MICU1: variants seen among roughly 807,000 people sequenced by gnomAD.
MICU1 encodes mitochondrial calcium uptake 1.
In MICU1, 45 loss-of-function variants were observed where a neutral mutation model predicts 56.8. The ratio of observed to expected loss-of-function variants is 0.79; its 90% CI spans 0.62 to 1.02. The LOEUF is 1.02. Ranked by LOEUF, MICU1 falls within the 50% of genes least tolerant of loss-of-function variation. The pLI is 0.00. For missense variants in MICU1, 504 were observed against 587.1 expected, an observed-to-expected ratio of 0.86 and a Z score of 1.46; for synonymous variants, 186 against 195.1, an observed-to-expected ratio of 0.95 and a Z score of 0.39.
chr10:72,432,524 G>GCAGGCTATAGGGGAAGGATGGTGC (rs1354209736), intron 8 of MICU1, among the ~76,000 whole-genome samples: 1 of 152,144 alleles, frequency 6.6e-6, no homozygotes, highest in Non-Finnish European at 1.5e-5. Context: ...TTTTGGTTCT[G>GCAGGCTATAGGGGAAGGATGGTGC]CAGGCTATAG....
intron 8 of MICU1, among the ~76,000 whole-genome samples, chr10:72,456,840 G>A (rs6415908): frequency 6.9e-6 from 1 of 145,444 alleles, no homozygotes; most frequent in Non-Finnish European, 1.5e-5. Context: ...CCACCATGCC[G>A]GGCTCATTTT....
intron 6 of MICU1, among the ~76,000 whole-genome samples, chr10:72,489,567 T>C (rs1866588073): frequency 1.3e-5 from 2 of 152,126 alleles, no homozygotes; most frequent in African/African-American, 2.4e-5. Flanking sequence ...TATTCTTTGC[T>C]ACAAAAGGGT....
intron 10 of MICU1, among the ~76,000 whole-genome samples, chr10:72,381,395 A>G (rs1244106724): frequency 6.6e-6 from 1 of 152,072 alleles, no homozygotes; most frequent in Non-Finnish European, 1.5e-5. Context: ...AAGGGGGAGG[A>G]TATTTCCTTA....
chr10:72,371,218 T>A (rs930642059), intron 11 of MICU1, among the ~76,000 whole-genome samples: 4 of 149,804 alleles, frequency 2.7e-5, no homozygotes, highest in Non-Finnish European at 3.0e-5. Context: ...ACCTCGTCTC[T>A]ACTAAAAATA....
intron 10 of MICU1, among the ~76,000 whole-genome samples, chr10:72,405,791 A>G (rs563647496): frequency 6.6e-6 from 1 of 152,296 alleles, no homozygotes; most frequent in East Asian, 1.9e-4. Flanking sequence ...GACAAAATAC[A>G]GGAGCCATTG....
intron 8 of MICU1, among the ~76,000 whole-genome samples, chr10:72,465,309 G>GA (rs1865757567): frequency 8.2e-6 from 1 of 121,936 alleles, no homozygotes; most frequent in Non-Finnish European, 1.6e-5. Context: ...ATAGTTTTTT[G>GA]TTTTTTTTTT....
At chr10:72,533,688 TAA>T in intron 5 of MICU1, 56 bp downstream of exon 5, 1 of 1,310,048 alleles carries the variant, frequency 7.6e-7, no homozygotes, top group Non-Finnish European at 1.1e-6. Context: ...TAGAGGAACT[TAA>T]AAATCTTCTT....
chr10:72,544,841 GAAGA>G (rs1839860059), intron 4 of MICU1, among the ~76,000 whole-genome samples: 1 of 152,160 alleles, frequency 6.6e-6, no homozygotes, highest in Admixed American at 6.5e-5. Flanking sequence ...ATTTGGTACA[GAAGA>G]ATTCTTATTC....
At chr10:72,591,266 T>C (rs1841217022) in intron 1 of MICU1, among the ~76,000 whole-genome samples, 1 of 151,882 alleles carries the variant, frequency 6.6e-6, no homozygotes, top group Non-Finnish European at 1.5e-5. Flanking sequence ...AATGAGTACA[T>C]TAAAAGCACA....
At chr10:72,564,785 G>C (rs776166052) in intron 2 of MICU1, among the ~76,000 whole-genome samples, 2 of 151,990 alleles carry the variant, frequency 1.3e-5, no homozygotes, top group African/African-American at 2.4e-5. Context: ...GAACACTCTC[G>C]AGTATTGAGT....
chr10:72,514,028 T>C (rs1035538180), intron 5 of MICU1, among the ~76,000 whole-genome samples: 7 of 152,058 alleles, frequency 4.6e-5, no homozygotes, highest in Non-Finnish European at 5.9e-5. Context: ...ATTTTTTTTT[T>C]CATTCTTTTT....
At chr10:72,536,299 C>T (rs1397235075) in intron 4 of MICU1, among the ~76,000 whole-genome samples, 1 of 151,780 alleles carries the variant, frequency 6.6e-6, no homozygotes. Context: ...ACTATGTACC[C>T]CATAAATATG....
intron 8 of MICU1, among the ~76,000 whole-genome samples, chr10:72,464,578 T>C (rs1227741386): frequency 6.6e-6 from 1 of 152,216 alleles, no homozygotes; most frequent in Non-Finnish European, 1.5e-5. Flanking sequence ...CAATAGGCTA[T>C]ACCATATAGC....
intron 4 of MICU1, among the ~76,000 whole-genome samples, chr10:72,548,691 A>G (rs114846080): frequency 0.023 from 3,508 of 152,254 alleles, 127 homozygotes; most frequent in African/African-American, 0.081. Flanking sequence ...CAAAAATTGT[A>G]TTTCTATCTC....
At chr10:72,574,298 G>C (rs1840688482) in intron 1 of MICU1, among the ~76,000 whole-genome samples, 1 of 152,136 alleles carries the variant, frequency 6.6e-6, no homozygotes, top group South Asian at 2.1e-4. Context: ...GGGAGGCTGA[G>C]GTAGGTGGAT....
At chr10:72,418,930 C>A (rs779174472) in intron 9 of MICU1, among the ~76,000 whole-genome samples, 4 of 152,210 alleles carry the variant, frequency 2.6e-5, no homozygotes, top group Non-Finnish European at 5.9e-5. Context: ...GTTGCTAACA[C>A]AGGCTAGAAA....
At chr10:72,459,616 T>G (rs946215460) in intron 8 of MICU1, among the ~76,000 whole-genome samples, 1 of 152,172 alleles carries the variant, frequency 6.6e-6, no homozygotes, top group Non-Finnish European at 1.5e-5. Flanking sequence ...AGGATAGCAC[T>G]CTGTCCCTCA....
chr10:72,378,851 C>T (rs966371418), intron 10 of MICU1, among the ~76,000 whole-genome samples: 5 of 152,150 alleles, frequency 3.3e-5, no homozygotes, highest in Non-Finnish European at 5.9e-5. Flanking sequence ...ACTGCTGAGG[C>T]GGCTTACTAG....
intron 1 of MICU1, among the ~76,000 whole-genome samples, chr10:72,619,300 C>A (rs1254767848): frequency 2.0e-5 from 3 of 152,006 alleles, no homozygotes; most frequent in Non-Finnish European, 4.4e-5. Flanking sequence ...AAAAAATTAG[C>A]CAGGCATGGT....
Sources: allele counts gnomAD v4.1 joint callset (sites outside exome capture counted in the v4.1 genomes callset), GRCh38; gene constraint gnomAD v4.1.1; transcripts MANE v1.5; gene names NCBI Gene and HGNC (gene_info 2026-07-23, HGNC 2026-07-21).